KMT5B: variants seen among roughly 807,000 people sequenced by gnomAD.
The protein encoded by KMT5B is lysine methyltransferase 5B.
Under a neutral mutation model 83.2 loss-of-function variants are expected in KMT5B, and 10 were observed. That is an observed-to-expected ratio of 0.12 (90% CI 0.07 to 0.20). The LOEUF is 0.20. Ranked by LOEUF, KMT5B falls within the 10% of genes least tolerant of loss-of-function variation. KMT5B has a pLI of 1.00. For missense variants in KMT5B, 753 were observed against 1,067.2 expected, an observed-to-expected ratio of 0.71 and a Z score of 4.10; for synonymous variants, 349 against 388.8, an observed-to-expected ratio of 0.90 and a Z score of 1.20.
chr11:68,179,529 G>A, intron 4 of KMT5B: 1 of 1,304,052 alleles, frequency 7.7e-7, no homozygotes, highest in South Asian at 1.2e-5. Context: ...TGGTTTTTCT[G>A]TCTCCCCACT....
chr11:68,211,784 G>A (rs1460443156), intron 1 of KMT5B, among the ~76,000 whole-genome samples: 8 of 152,198 alleles, frequency 5.3e-5, no homozygotes, highest in Non-Finnish European at 8.8e-5. Context: ...CCAGGTATGG[G>A]AAGCTATTGG....
chr11:68,193,535 TA>T (rs1858342159), intron 1 of KMT5B, among the ~76,000 whole-genome samples: 1 of 152,152 alleles, frequency 6.6e-6, no homozygotes, highest in African/African-American at 2.4e-5. Context: ...TGATCAATGC[TA>T]AAGACAACTT....
chr11:68,168,920 TTAAG>T (rs1272902476), intron 9 of KMT5B, among the ~76,000 whole-genome samples: 1 of 152,204 alleles, frequency 6.6e-6, no homozygotes, highest in Non-Finnish European at 1.5e-5. Context: ...TGGCCTAACA[TTAAG>T]TAACTGTTCA....
intron 1 of KMT5B, among the ~76,000 whole-genome samples, chr11:68,190,714 T>C (rs1005728194): frequency 2.0e-5 from 3 of 152,252 alleles, no homozygotes; most frequent in Non-Finnish European, 4.4e-5. Flanking sequence ...CTGAGCACAG[T>C]GGCTCATGCC....
At chr11:68,185,619 T>G (rs1284822539) in intron 3 of KMT5B, among the ~76,000 whole-genome samples, 162 bp downstream of exon 3, 6 of 152,160 alleles carry the variant, frequency 3.9e-5, no homozygotes, top group Non-Finnish European at 5.9e-5. Context: ...ATTCCTGGAG[T>G]CTTTTCTCTG....
At chr11:68,186,385 A>G (rs1312062450) in intron 2 of KMT5B, among the ~76,000 whole-genome samples, 4 of 151,856 alleles carry the variant, frequency 2.6e-5, no homozygotes, top group Admixed American at 2.6e-4. Flanking sequence ...AAGGAATCTC[A>G]TGAAGTTCAG....
intron 1 of KMT5B, among the ~76,000 whole-genome samples, chr11:68,193,367 T>C (rs1316563745): frequency 1.3e-5 from 2 of 152,206 alleles, no homozygotes; most frequent in African/African-American, 2.4e-5. Context: ...AATACATGCC[T>C]GGACATACCT....
chr11:68,167,512 T>C (rs562345537), intron 9 of KMT5B, among the ~76,000 whole-genome samples: 1 of 151,398 alleles, frequency 6.6e-6, no homozygotes, highest in South Asian at 2.1e-4. Context: ...TGGAATGCAG[T>C]GGCACGATCA....
intron 1 of KMT5B, among the ~76,000 whole-genome samples, chr11:68,198,367 G>A (rs1245608294): frequency 1.3e-5 from 2 of 152,030 alleles, no homozygotes; most frequent in African/African-American, 2.4e-5. Context: ...CAGCCTGGGC[G>A]ACACAGCAAG....
Position 68,157,876 on chromosome 11 carries a change from C to T in KMT5B, c.2470G>A (p.Glu824Lys). Reference sequence around the variant, plus strand: ...GAAGAGGAGGAATCATCTGTACTTTCTTCCTCATACTGACTATAGTCATCC... The same window carrying T: ...GAAGAGGAGGAATCATCTGTACTTTTTTCCTCATACTGACTATAGTCATCC... ...EVDDYSQYEE[E>K]STDDSSSSEG... Residue 824 changes from glutamate to lysine, a missense_variant, in exon 11 of 11, where the codon GAA becomes AAA. Glu to Lys is a moderately conservative substitution (Grantham distance 56, BLOSUM62 1). Around this residue, in one of 9 missense-constraint regions of KMT5B, gnomAD observed 161 missense variants for 195.1 expected, o/e 0.83. Coordinates refer to ENST00000304363, the MANE Select transcript of KMT5B (RefSeq NM_017635.5). 1.9e-6 allele frequency: 3 copies of T among 1,613,972 alleles called. No homozygotes were observed. The highest frequency in any genetic ancestry group is 2.5e-6 in the Non-Finnish European group (3 of 1,179,868).
At position 68,157,673 on chromosome 11, in the gene KMT5B, G is replaced by A; in HGVS notation, c.*15C>T. On this transcript the variant is annotated 3_prime_UTR_variant, in exon 11 of 11. Transcript: ENST00000304363. ...CTTTAAAGTAGTTATCCCAGGTCAA[G>A]TTAAGACCAAGAGCTTAGGCATTAA... The A allele has an allele frequency of 6.5e-7, 1 of 1,527,242 alleles. No homozygotes were observed. Among genetic ancestry groups the A allele is most frequent in the East Asian group, 2.3e-5 (1 of 43,976 alleles). The allele number at this position is 1,527,242 out of a possible 1,614,324, so 94.6% of individuals were successfully genotyped here.
rs1859238328 is a variant in KMT5B at position 68,155,663 on chromosome 11, T to C, written c.*2025A>G. 6.6e-6 allele frequency: 1 copy of C among 152,180 alleles called. No individual in the cohort carries two copies. Among genetic ancestry groups the C allele is most frequent in the Admixed American group, 6.5e-5 (1 of 15,276 alleles). 9.4% of individuals were successfully genotyped at this position (152,180 alleles called of 1,614,324 possible). On this transcript the variant is annotated 3_prime_UTR_variant, in exon 11 of 11. Coordinates refer to ENST00000304363, the MANE Select transcript of KMT5B (RefSeq NM_017635.5). ...GACACAGGGTCTACCTTCATCTTCC[T>C]CAGTGGCAGGGGTTCACATTTCTAT...
chr11:68,183,353 A>T (rs555764032), intron 3 of KMT5B, among the ~76,000 whole-genome samples: 58 of 152,124 alleles, frequency 3.8e-4, no homozygotes, highest in African/African-American at 1.4e-3. Context: ...GACTTAAAAT[A>T]ATGCAAATTA....
chr11:68,181,369 G>A (rs998804119), intron 3 of KMT5B, among the ~76,000 whole-genome samples: 21 of 152,116 alleles, frequency 1.4e-4, no homozygotes, highest in African/African-American at 4.1e-4. Context: ...CATCACGCCC[G>A]GGCTAAACAT....
chr11:68,182,561 T>C (rs1160615809), intron 3 of KMT5B, among the ~76,000 whole-genome samples: 1 of 151,162 alleles, frequency 6.6e-6, no homozygotes, highest in Non-Finnish European at 1.5e-5. Context: ...TGGGCTCCAG[T>C]GATCCTCCCA....
chr11:68,160,265 T>C (rs897476527), intron 10 of KMT5B, among the ~76,000 whole-genome samples: 3 of 152,248 alleles, frequency 2.0e-5, no homozygotes, highest in Non-Finnish European at 4.4e-5. Context: ...GCTGCTCCTG[T>C]AGTGTCTCTG....
In KMT5B at chr11:68,157,448, A is replaced by C; in HGVS notation, c.*240T>G. 1 of 440,448 alleles carries C rather than the reference A, an allele frequency of 2.3e-6. No individual in the cohort carries two copies. The highest frequency in any genetic ancestry group is 3.6e-6 in the Non-Finnish European group (1 of 280,144). 27.3% of individuals were successfully genotyped at this position (440,448 alleles called of 1,614,324 possible). On this transcript the variant is annotated 3_prime_UTR_variant, in exon 11 of 11. Coordinates refer to ENST00000304363, the MANE Select transcript of KMT5B (RefSeq NM_017635.5). The stretch of plus-strand genomic sequence containing the variant: ...AATTTTGCTTGAGCCTTTATTTTAC[A>C]ACAGGGCTTTACCTCTAACTCAGAA...
intron 9 of KMT5B, among the ~76,000 whole-genome samples, chr11:68,167,893 C>T (rs1275995645): frequency 1.3e-5 from 2 of 152,094 alleles, no homozygotes; most frequent in African/African-American, 4.8e-5. Flanking sequence ...CAAAGTGGGC[C>T]AGGCATGGTG....
In KMT5B at chr11:68,155,055, A is replaced by AT. The variant is rs1200694170; in HGVS notation, c.*2632dup. 6.6e-6 allele frequency: 1 copy of AT among 152,286 alleles called. No individual in the cohort carries two copies. Among genetic ancestry groups the AT allele is most frequent in the Non-Finnish European group, 1.5e-5 (1 of 68,058 alleles). The allele number at this position is 152,286 out of a possible 1,614,324, so 9.4% of individuals were successfully genotyped here. A position where few individuals can be genotyped will look rare whatever the true frequency, so the allele number is the denominator to read the frequency against. On this transcript the variant is annotated 3_prime_UTR_variant, in exon 11 of 11. Transcript: ENST00000304363. Reference sequence around the variant, plus strand: ...TATTACAACTCAGCAAAAACAATTTATAACAGTAATTTGAAAATGATTGAA... The same window carrying AT: ...TATTACAACTCAGCAAAAACAATTTATTAACAGTAATTTGAAAATGATTGAA...
Sources: gnomAD v4.1 joint callset for allele counts (sites outside exome capture counted in the v4.1 genomes callset) on GRCh38, gnomAD v4.1.1 for gene constraint, gnomAD v4.1.1 regional missense constraint, MANE v1.5 for transcripts, NCBI Gene and HGNC (gene_info 2026-07-23, HGNC 2026-07-21) for gene names.